ZNF337: variants seen among roughly 807,000 people sequenced by gnomAD.
ZNF337 encodes the protein zinc finger protein 337.
In ZNF337, 8 loss-of-function variants were observed where a neutral mutation model predicts 12.1. The observed-to-expected ratio is 0.66, with a 90% CI of 0.39 to 1.19. The LOEUF (loss-of-function observed/expected upper bound fraction) is 1.19. Among genes scored for constraint, ZNF337 ranks in the 50% most tolerant of loss-of-function variants. The pLI is 0.01. For missense variants in ZNF337, 882 were observed against 896.6 expected (o/e 0.98, Z 0.21); for synonymous variants, 336 against 320.0 (o/e 1.05, Z -0.53).
chr20:25,696,092 C>G lies in ZNF337; in HGVS notation c.-50+667G>C, dbSNP rs890522763. On this transcript the variant is annotated intron_variant, in intron 1 of 4. Coordinates refer to ENST00000252979, the MANE Select transcript of ZNF337 (RefSeq NM_015655.4). ...CGGACGCTGCCCCACGCAGATCCCC[C>G]CCCCCCCCCACCAAAACACGTCTAG... Among the ~76,000 whole-genome samples the G allele has an allele frequency of 9.0e-5, 10 of 110,818 alleles. 1 individual carries two copies. Among genetic ancestry groups the G allele is most frequent in the African/African-American group, 2.2e-4 (6 of 27,606 alleles). The allele number at this position is 110,818 out of a possible 152,430, so 72.7% of individuals were successfully genotyped here. A position where few individuals can be genotyped will look rare whatever the true frequency, so the allele number is the denominator to read the frequency against.
intron 1 of ZNF337, among the ~76,000 whole-genome samples, chr20:25,693,366 C>T (rs2065896746): frequency 6.6e-6 from 1 of 152,164 alleles, no homozygotes; most frequent in African/African-American, 2.4e-5. Flanking sequence ...TATGGGCCAC[C>T]ACGCCAAGCC....
chr20:25,675,222 T>C lies in ZNF337; in HGVS notation c.2066A>G (p.Glu689Gly), dbSNP rs778543363. 1.9e-6 allele frequency: 3 copies of C among 1,614,128 alleles called. No individual in the cohort carries two copies. The African/African-American group carries it at 4.0e-5, about 22-fold the overall frequency. ...HSKEKPFVCQ[E>G]CKRGYTSKSD... ...CTTACTGGTATAGCCTCGCTTACACTCCTGGCAAACAAAAGGCTTCTCCTT... is the reference window on the plus strand; with the variant it reads ...CTTACTGGTATAGCCTCGCTTACACCCCTGGCAAACAAAAGGCTTCTCCTT... Residue 689 changes from glutamate (E) to glycine (G), a missense_variant, in exon 5 of 5, where the codon GAG becomes GGG. Glu to Gly is a moderately conservative substitution (Grantham distance 98). Coordinates refer to ENST00000252979, the MANE Select transcript of ZNF337 (RefSeq NM_015655.4).
At chr20:25,684,112 C>T (rs2065798882) in intron 4 of ZNF337, among the ~76,000 whole-genome samples, 1 of 147,622 alleles carries the variant, frequency 6.8e-6, no homozygotes, top group African/African-American at 2.5e-5. Flanking sequence ...GACAAATAAC[C>T]AAACACCGCA....
At chr20:25,689,731 A>G (rs890299675) in intron 1 of ZNF337, among the ~76,000 whole-genome samples, 1 of 152,236 alleles carries the variant, frequency 6.6e-6, no homozygotes, top group Non-Finnish European at 1.5e-5. Context: ...GGATAAATCT[A>G]ACAGAACTAC....
At chr20:25,689,665 A>G (rs8124932) in intron 1 of ZNF337, among the ~76,000 whole-genome samples, 1,725 of 152,286 alleles carry the variant, frequency 0.011, 36 homozygotes, top group African/African-American at 0.04. Flanking sequence ...TATATGGGTA[A>G]AATAACAAGA....
chr20:25,675,390 C>T lies in ZNF337; in HGVS notation c.1898G>A (p.Cys633Tyr), dbSNP rs767640187. ...SGKQPFVCKE[C>Y]GRGFNWKGNL... ...TCCCTTCCAGTTGAAGCCTCGCCCA[C>T]ACTCCTTGCATACAAAAGGCTGCTT... Residue 633 changes from cysteine (C) to tyrosine (Y), a missense_variant, in exon 5 of 5, where the codon TGT (cysteine) becomes TAT (tyrosine). Physicochemically the swap from Cys to Tyr is radical, Grantham distance 194. Coordinates refer to ENST00000252979, the MANE Select transcript of ZNF337 (RefSeq NM_015655.4). 2 of 1,614,136 alleles carry T rather than the reference C, an allele frequency of 1.2e-6. No individual in the cohort carries two copies. The highest frequency in any genetic ancestry group is 1.3e-5 in the African/African-American group (1 of 75,010).
rs528699779 is a variant in ZNF337 at position 25,696,834 on chromosome 20, A to T, written c.-125T>A. ...CGCATCTCACGGCTCGCTGACGCCC[A>T]GGGATCTGGAACGCTCTGCGCCGCC... On this transcript the variant is annotated 5_prime_UTR_variant, in exon 1 of 5. Transcript: ENST00000252979. 1 of 985,418 alleles carries T rather than the reference A, an allele frequency of 1.0e-6. No homozygotes were observed. The highest frequency in any genetic ancestry group is 1.7e-5 in the African/African-American group (1 of 57,368). 61.0% of individuals were successfully genotyped at this position (985,418 alleles called of 1,614,324 possible).
chr20:25,687,560 A>C (rs564568104), intron 1 of ZNF337, among the ~76,000 whole-genome samples: 17 of 152,382 alleles, frequency 1.1e-4, no homozygotes, highest in Non-Finnish European at 2.1e-4. Context: ...ACTTTGAGAC[A>C]GAAGTGAACA....
chr20:25,682,897 G>T lies in ZNF337; in HGVS notation c.250+2670C>A, dbSNP rs114755643. ...TCTTTATAAACTTGATCTAGGAAGG[G>T]TTTCTTAAACAAGACATAAAAGAGA... On this transcript the variant is annotated intron_variant, in intron 4 of 4. Coordinates refer to ENST00000252979, the MANE Select transcript of ZNF337 (RefSeq NM_015655.4). 3.0e-3 allele frequency among the ~76,000 whole-genome samples: 452 copies of T among 152,146 alleles called. 3 individuals are homozygous for T. The highest frequency in any genetic ancestry group is 0.01 in the African/African-American group (431 of 41,516).
chr20:25,690,655 G>A (rs1370574216), intron 1 of ZNF337, among the ~76,000 whole-genome samples: 2 of 152,208 alleles, frequency 1.3e-5, no homozygotes, highest in African/African-American at 4.8e-5. Flanking sequence ...GATATTATGG[G>A]TGGAGACATA....
intron 2 of ZNF337, 107 bp from the exon 3 acceptor site, chr20:25,686,229 C>T: frequency 2.6e-6 from 4 of 1,556,938 alleles, no homozygotes; most frequent in East Asian, 2.2e-5. Flanking sequence ...TGATGAGTGA[C>T]ACCCACAGGC....
chr20:25,680,384 A>T (rs1243287346), intron 4 of ZNF337, among the ~76,000 whole-genome samples: 1 of 152,184 alleles, frequency 6.6e-6, no homozygotes, highest in Admixed American at 6.5e-5. Context: ...TACAATTATT[A>T]TGTATCAACA....
In ZNF337 at chr20:25,686,411, G is replaced by A; in HGVS notation, c.7C>T (p.Pro3Ser). 6.2e-7 allele frequency: 1 copy of A among 1,614,086 alleles called. No individual in the cohort carries two copies. The change falls in exon 2 of 5, where the codon CCT (proline) becomes TCT (serine). Residue 3 changes from proline (P) to serine (S), a missense_variant. Transcript: ENST00000252979. ...CTCACCTGTCTCCTGGCTCCCTGAG[G>A]TCCCATGACTGTCTTCCTGCTCTCC... Reference protein sequence around the residue: MGPQGARRQAFLA... With the variant: MGSQGARRQAFLA...
chr20:25,694,178 G>A (rs979349894), intron 1 of ZNF337, among the ~76,000 whole-genome samples: 8 of 152,216 alleles, frequency 5.3e-5, no homozygotes, highest in East Asian at 3.9e-4. Context: ...GGTTCCAGGC[G>A]TGGCACAAAT....
chr20:25,687,249 G>A (rs978263278), intron 1 of ZNF337, among the ~76,000 whole-genome samples: 1 of 152,124 alleles, frequency 6.6e-6, no homozygotes, highest in Non-Finnish European at 1.5e-5. Context: ...AGTCAATTGA[G>A]CATTACTGGC....
In ZNF337 at chr20:25,676,023, T is replaced by C. The variant is rs2065680524; in HGVS notation, c.1265A>G (p.His422Arg). The C allele has an allele frequency of 1.2e-6, 2 of 1,613,834 alleles. No homozygotes were observed. The highest frequency in any genetic ancestry group is 4.5e-5 in the East Asian group (2 of 44,882). ...SFSQKSTLVY[H>R]QRTHSGEKPF... ...TTTCTCCCCTGAGTGTGTTCTCTGG[T>C]GGTAGACAAGAGTTGACTTTTGGCT... Residue 422 changes from histidine (H) to arginine (R), a missense_variant, in exon 5 of 5, where the codon CAC (histidine) becomes CGC (arginine). Transcript: ENST00000252979.
chr20:25,696,162 C>T (rs917656064), intron 1 of ZNF337, among the ~76,000 whole-genome samples: 7 of 150,058 alleles, frequency 4.7e-5, no homozygotes, highest in Non-Finnish European at 1.0e-4. Flanking sequence ...CACTCCTATC[C>T]GCGGAAGATC....
At chr20:25,693,876 C>T (rs916113864) in intron 1 of ZNF337, among the ~76,000 whole-genome samples, 1 of 152,094 alleles carries the variant, frequency 6.6e-6, no homozygotes, top group Admixed American at 6.5e-5. Context: ...GAGCTGGGGA[C>T]TAAAATGGCT....
rs2065655860 is a variant in ZNF337 at position 25,674,800 on chromosome 20, T to C, written c.*232A>G. 1 of 568,668 alleles carries C rather than the reference T, an allele frequency of 1.8e-6. No homozygotes were observed. The highest frequency in any genetic ancestry group is 2.9e-5 in the East Asian group (1 of 34,480). The allele number at this position is 568,668 out of a possible 1,614,324, so 35.2% of individuals were successfully genotyped here. A position where few individuals can be genotyped will look rare whatever the true frequency, so the allele number is the denominator to read the frequency against. On this transcript the variant is annotated 3_prime_UTR_variant, in exon 5 of 5. Transcript: ENST00000252979. Reference sequence around the variant, plus strand: ...TAGGAAAGAGACCACATTTCCCCAATAGCCCAGGTAATGCCCTCCCCTCAA... The same window carrying C: ...TAGGAAAGAGACCACATTTCCCCAACAGCCCAGGTAATGCCCTCCCCTCAA...
Sources: allele counts gnomAD v4.1 joint callset (sites outside exome capture counted in the v4.1 genomes callset), GRCh38; gene constraint gnomAD v4.1.1; transcripts MANE v1.5; gene names NCBI Gene and HGNC (gene_info 2026-07-23, HGNC 2026-07-21).